IL20RB: variants seen among roughly 807,000 people sequenced by gnomAD.
IL20RB encodes the protein interleukin-20 receptor subunit beta.
Under a neutral mutation model 33.3 loss-of-function variants are expected in IL20RB, and 21 were observed. The observed-to-expected ratio is 0.63, with a 90% CI of 0.45 to 0.91. The LOEUF is 0.91. Ranked by LOEUF, IL20RB falls within the 40% of genes least tolerant of loss-of-function variation. The probability of loss-of-function intolerance (pLI) is 0.00; values close to 1 mark genes in which losing one functional copy is unlikely to be tolerated. For synonymous variants in IL20RB, 147 were observed against 146.8 expected, an observed-to-expected ratio of 1.00 and a Z score of -0.01; for missense variants, 345 against 384.8, an observed-to-expected ratio of 0.90 and a Z score of 0.86.
chr3:136,976,574 C>T (rs1941622946), intron 1 of IL20RB, among the ~76,000 whole-genome samples: 1 of 152,160 alleles, frequency 6.6e-6, no homozygotes, highest in African/African-American at 2.4e-5. Flanking sequence ...TGTTTTCCTC[C>T]CAGTCTCAGC....
chr3:137,007,103 TAGAACAGCAAATATTGC>T (rs1300115269), intron 6 of IL20RB, among the ~76,000 whole-genome samples: 36 of 152,314 alleles, frequency 2.4e-4, no homozygotes, highest in Admixed American at 4.6e-4. Context: ...GTGGGGGCTG[TAGAACAGCAAATATTGC>T]AGAACAGCAA....
chr3:136,999,468 G>C (rs1296781345), intron 6 of IL20RB, among the ~76,000 whole-genome samples: 1 of 151,864 alleles, frequency 6.6e-6, no homozygotes, highest in African/African-American at 2.4e-5. Context: ...GGAACTCCTG[G>C]GCTCAAGTGA....
rs34151860 is a variant in IL20RB at position 136,994,010 on chromosome 3, C to CAA, written c.683-1391_683-1390dup. ...CCTGGGTGACAGAGCAAGACTGTCT[C>CAA]AAAAAAAAAAAAAATCTATATGTCA... is the stretch of plus-strand genomic sequence containing the variant. On this transcript the variant is annotated intron_variant, in intron 5 of 6. Coordinates refer to ENST00000329582, the MANE Select transcript of IL20RB (RefSeq NM_144717.4). 2.9e-3 allele frequency among the ~76,000 whole-genome samples: 413 copies of CAA among 141,768 alleles called. 4 individuals carry two copies. Among genetic ancestry groups the CAA allele is most frequent in the South Asian group, 0.026 (114 of 4,420 alleles). The allele number at this position is 141,768 out of a possible 152,430, so 93.0% of individuals were successfully genotyped here. A position where few individuals can be genotyped will look rare whatever the true frequency, so the allele number is the denominator to read the frequency against.
chr3:136,988,605 C>T lies in IL20RB; in HGVS notation c.407-836C>T, dbSNP rs1017138693. Among the ~76,000 whole-genome samples, 9 of 151,842 alleles carry T rather than the reference C, an allele frequency of 5.9e-5. No homozygotes were observed. The East Asian group carries it at 7.8e-4, about 13-fold the overall frequency. Reference sequence around the variant, plus strand: ...AAATACAAAAAACATTAGCTGAGTGCGGTGATGTGTGCCTGTAGTTCCAGC... The same window carrying T: ...AAATACAAAAAACATTAGCTGAGTGTGGTGATGTGTGCCTGTAGTTCCAGC... On this transcript the variant is annotated intron_variant, in intron 3 of 6. Transcript: ENST00000329582.
chr3:137,002,617 G>GT (rs1050511872), intron 6 of IL20RB, among the ~76,000 whole-genome samples: 55 of 148,346 alleles, frequency 3.7e-4, no homozygotes, highest in Non-Finnish European at 6.0e-4. Flanking sequence ...CTTTTTGATG[G>GT]TTTTTTTTTT....
In IL20RB at chr3:136,995,465, T is replaced by G; in HGVS notation, c.734T>G (p.Leu245Arg). The stretch of plus-strand genomic sequence containing the variant: ...CTGTTTGCCTTTGTTGGCTTCATGC[T>G]GATCCTTGTGGTCGTGCCACTGTTC... ...LALFAFVGFMLILVVVPLFVW... is the reference protein window; with the variant it reads ...LALFAFVGFMRILVVVPLFVW... The change falls in exon 6 of 7, where the codon CTG becomes CGG. Residue 245 changes from leucine to arginine, a missense_variant. Transcript: ENST00000329582. 1 of 1,614,192 alleles carries G rather than the reference T, an allele frequency of 6.2e-7. No individual in the cohort carries two copies. Among genetic ancestry groups the G allele is most frequent in the Non-Finnish European group, 8.5e-7 (1 of 1,180,038 alleles).
chr3:136,963,600 G>A (rs1017210379), intron 1 of IL20RB, among the ~76,000 whole-genome samples: 3 of 150,402 alleles, frequency 2.0e-5, no homozygotes, highest in Non-Finnish European at 3.0e-5. Context: ...CATGTCCTTT[G>A]CCTATTTTTA....
chr3:137,004,245 C>T (rs1382880540), intron 6 of IL20RB, among the ~76,000 whole-genome samples: 1 of 152,134 alleles, frequency 6.6e-6, no homozygotes, highest in Admixed American at 6.5e-5. Context: ...TATGTCTCTG[C>T]CAGGCTTTGA....
At chr3:136,981,992 G>T in intron 2 of IL20RB, 168 bp from the exon 3 acceptor site, 1 of 445,666 alleles carries the variant, frequency 2.2e-6, no homozygotes. Context: ...AAAGGAGTAA[G>T]GGACGATGGA....
At chr3:136,976,864 A>G (rs361245) in intron 1 of IL20RB, among the ~76,000 whole-genome samples, 70,386 of 152,000 alleles carry the variant, frequency 0.46, 16,807 homozygotes, top group East Asian at 0.7. Flanking sequence ...TTGTCCCCCA[A>G]TCTACTGGCA....
At chr3:137,002,675 T>C (rs1277047778) in intron 6 of IL20RB, among the ~76,000 whole-genome samples, 1 of 152,214 alleles carries the variant, frequency 6.6e-6, no homozygotes, top group Non-Finnish European at 1.5e-5. Context: ...ATTAGTCCTT[T>C]GTCAGATGGG....
intron 1 of IL20RB, among the ~76,000 whole-genome samples, chr3:136,962,953 T>C (rs1055175189): frequency 2.0e-5 from 3 of 151,938 alleles, no homozygotes; most frequent in Admixed American, 6.6e-5. Flanking sequence ...TGCATTAATA[T>C]TAATATCTTA....
chr3:136,987,706 C>T (rs987796748), intron 3 of IL20RB, among the ~76,000 whole-genome samples: 10 of 152,190 alleles, frequency 6.6e-5, no homozygotes, highest in African/African-American at 1.7e-4. Context: ...TCAGGCATGG[C>T]GGGCTGCAGG....
chr3:137,005,866 T>G, intron 6 of IL20RB, among the ~76,000 whole-genome samples: 1 of 152,230 alleles, frequency 6.6e-6, no homozygotes, highest in Non-Finnish European at 1.5e-5. Flanking sequence ...GCGTCGATGG[T>G]CTTTGCTATT....
chr3:136,958,324 A>G, intron 1 of IL20RB, 123 bp downstream of exon 1: 1 of 598,974 alleles, frequency 1.7e-6, no homozygotes, highest in Non-Finnish European at 2.9e-6. Flanking sequence ...TCTGTTTTAC[A>G]AAAGATTTAT....
chr3:136,988,494 C>T (rs1941962497), intron 3 of IL20RB, among the ~76,000 whole-genome samples: 2 of 152,136 alleles, frequency 1.3e-5, no homozygotes, highest in African/African-American at 4.8e-5. Flanking sequence ...AATCCCAGCA[C>T]TTTGGGAGCT....
At chr3:136,998,906 C>T (rs990864000) in intron 6 of IL20RB, among the ~76,000 whole-genome samples, 1 of 152,062 alleles carries the variant, frequency 6.6e-6, no homozygotes, top group Non-Finnish European at 1.5e-5. Context: ...TTTTTAACAT[C>T]ATTCCCCTAT....
At chr3:136,979,210 G>A (rs1306262952) in intron 1 of IL20RB, among the ~76,000 whole-genome samples, 1 of 152,126 alleles carries the variant, frequency 6.6e-6, no homozygotes, top group Non-Finnish European at 1.5e-5. Flanking sequence ...TGCTCCAGGT[G>A]TTTCCCCACA....
At chr3:136,988,947 C>T (rs1268013422) in intron 3 of IL20RB, among the ~76,000 whole-genome samples, 2 of 152,156 alleles carry the variant, frequency 1.3e-5, no homozygotes, top group Non-Finnish European at 2.9e-5. Flanking sequence ...GGGGCAAAGA[C>T]TGGGGCTGGC....
Sources: gnomAD v4.1 joint callset for allele counts (sites outside exome capture counted in the v4.1 genomes callset) on GRCh38, gnomAD v4.1.1 for gene constraint, MANE v1.5 for transcripts, NCBI Gene and HGNC (gene_info 2026-07-23, HGNC 2026-07-21) for gene names.